Variants in SNX25 observed in about 807,000 individuals in gnomAD.
SNX25 encodes the protein sorting nexin-25.
In SNX25, 62 loss-of-function variants were observed where a neutral mutation model predicts 113.7. That is an observed-to-expected ratio of 0.55 (90% confidence interval 0.44 to 0.67). The LOEUF is 0.67. Among genes scored for constraint, SNX25 ranks in the 30% least tolerant of loss-of-function variants. The pLI, the probability that SNX25 is intolerant of heterozygous loss-of-function variation, is 0.00. For synonymous variants in SNX25, 421 were observed against 436.2 expected, an observed-to-expected ratio of 0.97 and a Z score of 0.43; for missense variants, 1,014 against 1,161.0, an observed-to-expected ratio of 0.87 and a Z score of 1.84.
intron 6 of SNX25, 119 bp from the exon 7 acceptor site, chr4:185,310,516 T>C (rs1755097111): frequency 1.5e-6 from 1 of 682,810 alleles, no homozygotes; most frequent in Non-Finnish European, 2.3e-6. Flanking sequence ...TGTTCTGTTA[T>C]TTTGTTTAGT....
downstream of SNX25, chr4:185,374,038 T>G (rs2095424897): frequency 6.3e-6 from 6 of 952,798 alleles, no homozygotes; most frequent in South Asian, 9.4e-5. Context: ...CTATAAGAGA[T>G]ATTTAAAACG....
intron 1 of SNX25, among the ~76,000 whole-genome samples, chr4:185,240,406 C>T (rs1193120649): frequency 2.7e-5 from 4 of 148,394 alleles, no homozygotes; most frequent in East Asian, 2.0e-4. Flanking sequence ...CTGACCCCCC[C>T]ACCTCCCTCC....
intron 1 of SNX25, among the ~76,000 whole-genome samples, chr4:185,239,726 G>T (rs1352900212): frequency 7.3e-6 from 1 of 137,210 alleles, no homozygotes; most frequent in Admixed American, 7.1e-5. Flanking sequence ...TTTTTTTTGT[G>T]TGTGTTTTTC....
intron 9 of SNX25, among the ~76,000 whole-genome samples, chr4:185,328,090 A>T (rs2095169168): frequency 6.6e-6 from 1 of 152,200 alleles, no homozygotes; most frequent in Admixed American, 6.5e-5. Flanking sequence ...AATTAATTAG[A>T]GTTCTTTTAA....
intron 7 of SNX25, among the ~76,000 whole-genome samples, chr4:185,318,399 G>A (rs972155066): frequency 6.6e-6 from 1 of 152,126 alleles, no homozygotes; most frequent in East Asian, 1.9e-4. Flanking sequence ...GTCCATACTC[G>A]ATTGTTCCTT....
chr4:185,312,084 C>T (rs551847831), intron 7 of SNX25, among the ~76,000 whole-genome samples: 9 of 152,256 alleles, frequency 5.9e-5, no homozygotes, highest in African/African-American at 1.9e-4. Context: ...TCCTCATTAG[C>T]TTTTTGGTTT....
intron 10 of SNX25, among the ~76,000 whole-genome samples, chr4:185,337,314 G>A (rs1002150620): frequency 6.6e-6 from 1 of 152,074 alleles, no homozygotes; most frequent in Non-Finnish European, 1.5e-5. Context: ...ACTACTCCAA[G>A]TACCTGATGT....
At chr4:185,316,274 A>G (rs2095073744) in intron 7 of SNX25, among the ~76,000 whole-genome samples, 1 of 152,206 alleles carries the variant, frequency 6.6e-6, no homozygotes, top group African/African-American at 2.4e-5. Context: ...AACAGTTATT[A>G]TTAACAAGTC....
intron 6 of SNX25, among the ~76,000 whole-genome samples, chr4:185,293,812 A>T (rs1413578190): frequency 6.6e-6 from 1 of 152,214 alleles, no homozygotes; most frequent in Non-Finnish European, 1.5e-5. Context: ...ACATTTCAAA[A>T]TAGTACCATG....
chr4:185,300,330 T>G (rs189755577), intron 6 of SNX25, among the ~76,000 whole-genome samples: 3,209 of 151,668 alleles, frequency 0.021, 100 homozygotes, highest in African/African-American at 0.074. Context: ...AGCTATTTTT[T>G]TTTTTTTTTT....
At chr4:185,272,713 A>G (rs900758427) in intron 5 of SNX25, among the ~76,000 whole-genome samples, 2 of 152,212 alleles carry the variant, frequency 1.3e-5, no homozygotes, top group Non-Finnish European at 2.9e-5. Context: ...ATCCTGTTGT[A>G]TAATTCATTG....
chr4:185,253,359 G>A (rs948283343), intron 2 of SNX25, among the ~76,000 whole-genome samples: 2 of 151,800 alleles, frequency 1.3e-5, no homozygotes. Flanking sequence ...AACCCCAGAC[G>A]TTGCACACAA....
intron 1 of SNX25, among the ~76,000 whole-genome samples, chr4:185,240,489 A>G (rs1017654985): frequency 6.8e-5 from 10 of 147,218 alleles, no homozygotes; most frequent in Non-Finnish European, 1.3e-4. Flanking sequence ...GGCGCCCCTC[A>G]CCTCCCGGAT....
At chr4:185,298,616 A>G (rs939409212) in intron 6 of SNX25, among the ~76,000 whole-genome samples, 1 of 152,000 alleles carries the variant, frequency 6.6e-6, no homozygotes, top group Non-Finnish European at 1.5e-5. Flanking sequence ...TTTCAGCTTC[A>G]TCTCCTGCCC....
At chr4:185,310,018 G>C (rs1341922979) in intron 6 of SNX25, among the ~76,000 whole-genome samples, 1 of 152,100 alleles carries the variant, frequency 6.6e-6, no homozygotes, top group Non-Finnish European at 1.5e-5. Context: ...TTTCCTGCCT[G>C]TTTCTCACTT....
chr4:185,298,045 A>T (rs1753082292), intron 6 of SNX25, among the ~76,000 whole-genome samples: 1 of 150,992 alleles, frequency 6.6e-6, no homozygotes, highest in Non-Finnish European at 1.5e-5. Flanking sequence ...CTGTCTGTAC[A>T]CCACTATCCT....
chr4:185,244,029 G>C lies in SNX25; in HGVS notation c.430-3265G>C, dbSNP rs377249465. 3.9e-5 allele frequency among the ~76,000 whole-genome samples: 6 copies of C among 152,002 alleles called. No individual in the cohort carries two copies. The South Asian group carries it at 6.2e-4, about 16-fold the overall frequency. On this transcript the variant is annotated intron_variant, in intron 1 of 18. Coordinates refer to ENST00000652585, the MANE Select transcript of SNX25 (RefSeq NM_001378034.2). ...TTTCTTTTTTTTGAGACAGTGTCTT[G>C]CTATGTTGCCCAGGCTGGAGTGCAG...
chr4:185,245,864 G>T (rs540019496), intron 1 of SNX25, among the ~76,000 whole-genome samples: 2 of 152,104 alleles, frequency 1.3e-5, no homozygotes, highest in East Asian at 1.9e-4. Context: ...GACTATTGAC[G>T]TATATATAAA....
chr4:185,367,680 G>C (rs147987275), downstream of SNX25, among the ~76,000 whole-genome samples: 7 of 152,194 alleles, frequency 4.6e-5, no homozygotes, highest in East Asian at 1.4e-3. Context: ...ATAATTTCTA[G>C]AATGTCAACA....
Sources: allele counts gnomAD v4.1 joint callset (sites outside exome capture counted in the v4.1 genomes callset), GRCh38; gene constraint gnomAD v4.1.1; transcripts MANE v1.5; gene names NCBI Gene and HGNC (gene_info 2026-07-23, HGNC 2026-07-21).